The following ARHGAP31 variants were observed in gnomAD, a reference collection of about 807,000 sequenced individuals.
The protein encoded by ARHGAP31 is rho GTPase-activating protein 31.
Under a neutral mutation model 113.9 loss-of-function variants are expected in ARHGAP31, and 34 were observed. That is an observed-to-expected ratio of 0.30 (90% CI 0.23 to 0.40). The LOEUF (loss-of-function observed/expected upper bound fraction) is 0.40. ARHGAP31 is among the 10% of genes least tolerant of loss of function. The probability of loss-of-function intolerance (pLI) is 1.00; values close to 1 mark genes in which losing one functional copy is unlikely to be tolerated. For synonymous variants in ARHGAP31, 650 were observed against 684.8 expected, an observed-to-expected ratio of 0.95 and a Z score of 0.79; for missense variants, 1,548 against 1,767.1, an observed-to-expected ratio of 0.88 and a Z score of 2.22.
Position 119,414,807 on chromosome 3 carries a change from A to G in ARHGAP31, c.2878A>G (p.Thr960Ala), listed in dbSNP as rs764151419. 1 of 1,614,060 alleles carries G rather than the reference A, an allele frequency of 6.2e-7. No individual in the cohort carries two copies. Among genetic ancestry groups the G allele is most frequent in the African/African-American group, 1.3e-5 (1 of 74,918 alleles). The change falls in exon 12 of 12, where the codon ACG (threonine) becomes GCG (alanine). Residue 960 changes from threonine (T) to alanine (A), a missense_variant. Transcript: ENST00000264245. ...GAGCCATTCTCTAGATAGCAAACCC[A>G]CGGTTAAAAGCCAGTGGACTCTCGA... Reference protein sequence around the residue: ...RQSHSLDSKPTVKSQWTLEVP... With the variant: ...RQSHSLDSKPAVKSQWTLEVP...
chr3:119,397,169 C>G (rs1365670165), intron 8 of ARHGAP31, among the ~76,000 whole-genome samples: 1 of 152,182 alleles, frequency 6.6e-6, no homozygotes, highest in Non-Finnish European at 1.5e-5. Flanking sequence ...AGCCTGAGCT[C>G]TTAGTTAATC....
chr3:119,308,848 T>C (rs2079653552), intron 1 of ARHGAP31, among the ~76,000 whole-genome samples: 1 of 152,164 alleles, frequency 6.6e-6, no homozygotes. Context: ...TTTTTTGTTG[T>C]TGTTAAATTT....
chr3:119,376,749 G>C (rs1333693856), intron 3 of ARHGAP31, among the ~76,000 whole-genome samples: 1 of 135,420 alleles, frequency 7.4e-6, no homozygotes, highest in Non-Finnish European at 1.6e-5. Flanking sequence ...GACAGAGTGA[G>C]ACTCGTCTCA....
chr3:119,415,247 C>T lies in ARHGAP31; in HGVS notation c.3318C>T (p.Ser1106=), dbSNP rs762605607. ...CAAAAGGGAAAAACAGGCCTTCTTC[C>T]CTCAACTTGGACCCTGCCATTCCCA... ...GPPKGKNRPS[S]LNLDPAIPIA... is the part of the protein sequence containing the mutation. Residue 1106 remains serine (S), a synonymous_variant, in exon 12 of 12, where the codon TCC becomes TCT. Coordinates refer to ENST00000264245, the MANE Select transcript of ARHGAP31 (RefSeq NM_020754.4). 1.9e-6 allele frequency: 3 copies of T among 1,614,184 alleles called. No individual in the cohort carries two copies. Among genetic ancestry groups the T allele is most frequent in the South Asian group, 1.1e-5 (1 of 91,084 alleles).
At chr3:119,318,475 A>G (rs111706961) in intron 1 of ARHGAP31, among the ~76,000 whole-genome samples, 19 of 152,374 alleles carry the variant, frequency 1.2e-4, no homozygotes, top group African/African-American at 4.6e-4. Flanking sequence ...TGCCTTAAAT[A>G]TAATTTTTCT....
chr3:119,321,932 C>A (rs986402306), intron 1 of ARHGAP31, among the ~76,000 whole-genome samples: 13 of 152,248 alleles, frequency 8.5e-5, no homozygotes, highest in Non-Finnish European at 7.3e-5. Flanking sequence ...GGATTACAGG[C>A]GTGAGCCACC....
At chr3:119,302,863 C>T (rs2079596942) in intron 1 of ARHGAP31, among the ~76,000 whole-genome samples, 1 of 152,196 alleles carries the variant, frequency 6.6e-6, no homozygotes, top group Non-Finnish European at 1.5e-5. Flanking sequence ...CAGCCTAAAC[C>T]ATGAAGAGTC....
intron 1 of ARHGAP31, among the ~76,000 whole-genome samples, chr3:119,363,438 G>A (rs2080227725): frequency 6.6e-6 from 1 of 152,148 alleles, no homozygotes; most frequent in Non-Finnish European, 1.5e-5. Flanking sequence ...CCTAGGAAGT[G>A]GTTCCACCTC....
Position 119,415,636 on chromosome 3 carries a change from C to T in ARHGAP31, c.3707C>T (p.Pro1236Leu). ...CCTCTGGAGAGGAGCCAGGAGGGACCCAGCTCAACCAGTGGGACCACTCAG... is the reference window on the plus strand; with the variant it reads ...CCTCTGGAGAGGAGCCAGGAGGGACTCAGCTCAACCAGTGGGACCACTCAG... ...VQPLERSQEG[P>L]SSTSGTTQKP... The change falls in exon 12 of 12, where the codon CCC (proline) becomes CTC (leucine). Residue 1236 changes from proline (P) to leucine (L), a missense_variant. Coordinates refer to ENST00000264245, the MANE Select transcript of ARHGAP31 (RefSeq NM_020754.4). 6.2e-7 allele frequency: 1 copy of T among 1,614,124 alleles called. No homozygotes were observed. The highest frequency in any genetic ancestry group is 8.5e-7 in the Non-Finnish European group (1 of 1,180,028).
intron 8 of ARHGAP31, 125 bp from the exon 9 acceptor site, chr3:119,399,074 A>C (rs1405673233): frequency 1.3e-6 from 1 of 771,216 alleles, no homozygotes; most frequent in African/African-American, 1.7e-5. Flanking sequence ...TTCCAAGGGG[A>C]TCAATTATAC....
rs1013592695 is a variant in ARHGAP31, at chr3:119,378,379, G to A, written c.349-2525G>A. 1.8e-4 allele frequency among the ~76,000 whole-genome samples: 27 copies of A among 152,200 alleles called. No homozygotes were observed. The South Asian group carries it at 4.1e-3, about 23-fold the overall frequency. On this transcript the variant is annotated intron_variant, in intron 3 of 11. Transcript: ENST00000264245. ...AGGATGGGGAGAGGTTGCAAATAAT[G>A]AAATAAACACCAGTCCCAAATGGGA...
At position 119,402,256 on chromosome 3, in the gene ARHGAP31, A is replaced by G; in HGVS notation, c.1504A>G (p.Ile502Val). The G allele has an allele frequency of 1.2e-6, 2 of 1,614,268 alleles. No individual in the cohort carries two copies. Among genetic ancestry groups the G allele is most frequent in the Non-Finnish European group, 1.7e-6 (2 of 1,180,050 alleles). ...TGTGCCGCTCCGCGTGTCCGCAGTC[A>G]TCAGCACCAACAGCACGCCGTGCAG... ...VSVPLRVSAVISTNSTPCRTP... is the reference protein window; with the variant it reads ...VSVPLRVSAVVSTNSTPCRTP... Residue 502 changes from isoleucine (I) to valine (V), a missense_variant, in exon 10 of 12, where the codon ATC becomes GTC. Ile to Val is a conservative substitution (Grantham distance 29). Transcript: ENST00000264245.
Position 119,416,288 on chromosome 3 carries a change from G to T in ARHGAP31, c.*24G>T. ...GATTTCGGTTCACCTGCTGGTGTCT[G>T]AAAAAAACCGTGATTCATCTGGAAG... is the stretch of plus-strand genomic sequence containing the variant. On this transcript the variant is annotated 3_prime_UTR_variant, in exon 12 of 12. Transcript: ENST00000264245. 6.2e-7 allele frequency: 1 copy of T among 1,611,128 alleles called. No homozygotes were observed. Among genetic ancestry groups the T allele is most frequent in the South Asian group, 1.1e-5 (1 of 90,978 alleles).
rs142779926 is a variant in ARHGAP31 at position 119,337,354 on chromosome 3, G to A, written c.101-27962G>A. 2.1e-4 allele frequency among the ~76,000 whole-genome samples: 32 copies of A among 152,210 alleles called. 1 individual carries two copies. The East Asian group carries it at 5.0e-3, about 24-fold the overall frequency. On this transcript the variant is annotated intron_variant, in intron 1 of 11. Coordinates refer to ENST00000264245, the MANE Select transcript of ARHGAP31 (RefSeq NM_020754.4). ...GCGTCCAGAGTTGTTCTTTCCTCCC[G>A]GTGGCTTCATGCTCTCGCTGACTTC... is the stretch of plus-strand genomic sequence containing the variant.
chr3:119,319,212 G>A (rs2079760859), intron 1 of ARHGAP31, among the ~76,000 whole-genome samples: 1 of 148,500 alleles, frequency 6.7e-6, no homozygotes, highest in Admixed American at 6.7e-5. Flanking sequence ...AGCACCTTCT[G>A]GATTTCATCA....
In ARHGAP31 at chr3:119,383,018, G is replaced by A. The variant is rs1577021992; in HGVS notation, c.540-66G>A. The stretch of plus-strand genomic sequence containing the variant: ...TGAGCCTTGTGCAAAAGGCCCACTG[G>A]CTCCTCTTGCTGCTTCAGGTTGTAA... On this transcript the variant is annotated intron_variant, in intron 5 of 11. Transcript: ENST00000264245. The A allele has an allele frequency of 3.1e-6, 5 of 1,593,378 alleles. No individual in the cohort carries two copies. The South Asian group carries it at 5.5e-5, about 18-fold the overall frequency.
intron 1 of ARHGAP31, among the ~76,000 whole-genome samples, chr3:119,331,186 C>T (rs1271708997): frequency 6.6e-6 from 1 of 152,146 alleles, no homozygotes; most frequent in Non-Finnish European, 1.5e-5. Flanking sequence ...ACAAATCTGC[C>T]CCAGGGTCCC....
intron 11 of ARHGAP31, among the ~76,000 whole-genome samples, chr3:119,413,316 C>CAAA (rs369363243): frequency 2.2e-5 from 2 of 91,446 alleles, no homozygotes; most frequent in Non-Finnish European, 2.3e-5. Context: ...GACTCTGTCT[C>CAAA]AAAAAAAAAA....
chr3:119,352,573 C>T (rs936855669), intron 1 of ARHGAP31, among the ~76,000 whole-genome samples: 2 of 152,028 alleles, frequency 1.3e-5, no homozygotes, highest in Non-Finnish European at 2.9e-5. Context: ...CTTTTTGTGG[C>T]AAGTCTTTTC....
Sources: allele counts gnomAD v4.1 joint callset (sites outside exome capture counted in the v4.1 genomes callset), GRCh38; gene constraint gnomAD v4.1.1; transcripts MANE v1.5; gene names NCBI Gene and HGNC (gene_info 2026-07-23, HGNC 2026-07-21).